Variants in SIPA1L1 observed in about 807,000 individuals in gnomAD.
The protein encoded by SIPA1L1 is signal-induced proliferation-associated 1-like protein 1.
SIPA1L1 carries 26 observed loss-of-function variants against 162.7 expected under a neutral mutation model. That is an observed-to-expected ratio of 0.16 (90% CI 0.12 to 0.22). The LOEUF (loss-of-function observed/expected upper bound fraction) is 0.22, where lower values mean the gene tolerates loss of function less well. SIPA1L1 is among the 10% of genes least tolerant of loss of function. The probability of loss-of-function intolerance (pLI) is 1.00; values close to 1 mark genes in which losing one functional copy is unlikely to be tolerated. For missense variants in SIPA1L1, 1,874 were observed against 2,241.0 expected, an observed-to-expected ratio of 0.84 and a Z score of 3.31; for synonymous variants, 829 against 837.4, an observed-to-expected ratio of 0.99 and a Z score of 0.17.
chr14:71,687,987 G>A (rs1042072402), intron 13 of SIPA1L1, among the ~76,000 whole-genome samples: 1 of 152,136 alleles, frequency 6.6e-6, no homozygotes, highest in Non-Finnish European at 1.5e-5. Context: ...TGACTTGTGA[G>A]ATCTCAGTCC....
At chr14:71,671,091 G>A (rs545005804) in intron 10 of SIPA1L1, 28 bp from the exon 11 acceptor site, 38 of 1,520,094 alleles carry the variant, frequency 2.5e-5, no homozygotes, top group East Asian at 4.5e-5. Context: ...AAATACTGAC[G>A]TGGCTCTCTT....
intron 2 of SIPA1L1, among the ~76,000 whole-genome samples, chr14:71,425,645 A>T (rs895217584): frequency 6.6e-6 from 1 of 152,146 alleles, no homozygotes; most frequent in Non-Finnish European, 1.5e-5. Context: ...TTGTCCTGGA[A>T]AATATCCCAT....
chr14:71,400,427 A>T (rs1595240436), intron 2 of SIPA1L1, among the ~76,000 whole-genome samples: 1 of 152,086 alleles, frequency 6.6e-6, no homozygotes, highest in Non-Finnish European at 1.5e-5. Context: ...TTATCCTATC[A>T]TATGGCACTT....
chr14:71,619,294 C>T (rs1409990881), intron 6 of SIPA1L1, among the ~76,000 whole-genome samples: 2 of 152,106 alleles, frequency 1.3e-5, no homozygotes, highest in African/African-American at 4.8e-5. Context: ...CTTCCAAGCT[C>T]TTGCTGAGCT....
At chr14:71,554,030 A>G (rs2056118070) in intron 4 of SIPA1L1, among the ~76,000 whole-genome samples, 1 of 152,352 alleles carries the variant, frequency 6.6e-6, no homozygotes, top group East Asian at 1.9e-4. Context: ...TGTAGCAAGA[A>G]TGAATATAAA....
Position 71,677,687 on chromosome 14 carries a change from C to T in SIPA1L1, c.3104+5065C>T, listed in dbSNP as rs1162810603. Among the ~76,000 whole-genome samples, 4 of 152,328 alleles carry T rather than the reference C, an allele frequency of 2.6e-5. No individual in the cohort carries two copies. The East Asian group carries it at 7.7e-4, about 29-fold the overall frequency. On this transcript the variant is annotated intron_variant, in intron 12 of 23. Coordinates refer to ENST00000381232, the MANE Select transcript of SIPA1L1 (RefSeq NM_001386936.1). ...GAAGGGATCCAGTTTCAGCTTCCTA[C>T]ATATGGCTAGCCAGTTTTCCCAGCA...
chr14:71,702,722 G>A (rs768059237), intron 15 of SIPA1L1, among the ~76,000 whole-genome samples: 2 of 152,122 alleles, frequency 1.3e-5, no homozygotes, highest in Non-Finnish European at 2.9e-5. Flanking sequence ...CTGGAAAGGC[G>A]ATAGGAATTA....
chr14:71,408,266 T>C (rs556968593), intron 2 of SIPA1L1, among the ~76,000 whole-genome samples: 2 of 152,240 alleles, frequency 1.3e-5, no homozygotes, highest in Admixed American at 6.5e-5. Flanking sequence ...TGGTCTTTGC[T>C]ACAGAGAAGC....
At chr14:71,340,315 T>G (rs1472315741) in intron 2 of SIPA1L1, among the ~76,000 whole-genome samples, 1 of 152,158 alleles carries the variant, frequency 6.6e-6, no homozygotes, top group Non-Finnish European at 1.5e-5. Flanking sequence ...GGTGGTTTCT[T>G]TTTCTTATCT....
chr14:71,634,394 C>T (rs2040904537), intron 7 of SIPA1L1, among the ~76,000 whole-genome samples: 1 of 142,242 alleles, frequency 7.0e-6, no homozygotes, highest in African/African-American at 2.6e-5. Context: ...AAGAACAAAA[C>T]TCCATTTCAA....
At chr14:71,603,970 G>T (rs559530874) in intron 5 of SIPA1L1, among the ~76,000 whole-genome samples, 9 of 142,856 alleles carry the variant, frequency 6.3e-5, no homozygotes, top group South Asian at 4.3e-4. Context: ...TTTATATATA[G>T]ATATATTTAT....
intron 4 of SIPA1L1, among the ~76,000 whole-genome samples, chr14:71,550,731 A>T (rs1194882164): frequency 1.3e-5 from 2 of 151,962 alleles, no homozygotes; most frequent in Non-Finnish European, 2.9e-5. Flanking sequence ...TACTTTTCTG[A>T]TATTTCCACC....
chr14:71,390,012 A>G (rs1459454302), intron 2 of SIPA1L1, among the ~76,000 whole-genome samples: 1 of 152,246 alleles, frequency 6.6e-6, no homozygotes, highest in African/African-American at 2.4e-5. Flanking sequence ...ATTAGAGAGT[A>G]AATGCAATTT....
At chr14:71,481,958 T>C (rs2048385035) in intron 2 of SIPA1L1, among the ~76,000 whole-genome samples, 1 of 152,208 alleles carries the variant, frequency 6.6e-6, no homozygotes, top group Non-Finnish European at 1.5e-5. Context: ...TATATCAAAA[T>C]GGTAACTGGT....
At chr14:71,558,110 T>A (rs2056494518) in intron 4 of SIPA1L1, among the ~76,000 whole-genome samples, 1 of 152,212 alleles carries the variant, frequency 6.6e-6, no homozygotes, top group South Asian at 2.1e-4. Context: ...TTACATCATA[T>A]GTTTGTTTAT....
chr14:71,519,859 GATT>G (rs1054576491), intron 3 of SIPA1L1, among the ~76,000 whole-genome samples: 52 of 152,054 alleles, frequency 3.4e-4, no homozygotes, highest in African/African-American at 1.2e-3. Flanking sequence ...TTGACTGATT[GATT>G]ATAATAGTGA....
At chr14:71,735,233 G>T in intron 21 of SIPA1L1, 44 bp from the exon 22 acceptor site, 1 of 1,312,832 alleles carries the variant, frequency 7.6e-7, no homozygotes, top group Non-Finnish European at 1.1e-6. Context: ...TAGGGCCAGG[G>T]ATGTGGTTCC....
intron 7 of SIPA1L1, among the ~76,000 whole-genome samples, chr14:71,625,160 A>G (rs1269757472): frequency 6.6e-6 from 1 of 152,198 alleles, no homozygotes. Context: ...AGATTTGGAT[A>G]GGATTTCCTT....
At chr14:71,331,117 G>T (rs948851497) in intron 2 of SIPA1L1, among the ~76,000 whole-genome samples, 1 of 152,092 alleles carries the variant, frequency 6.6e-6, no homozygotes, top group African/African-American at 2.4e-5. Context: ...ATTTGCATGT[G>T]GGTATCTTAT....
Sources: allele counts gnomAD v4.1 joint callset (sites outside exome capture counted in the v4.1 genomes callset), GRCh38; gene constraint gnomAD v4.1.1; transcripts MANE v1.5; gene names NCBI Gene and HGNC (gene_info 2026-07-23, HGNC 2026-07-21).